The following LRRC8C variants were observed in gnomAD, a reference collection of about 807,000 sequenced individuals.
LRRC8C encodes the protein leucine rich repeat containing 8 VRAC subunit C.
A neutral mutation model predicts 55.3 loss-of-function variants in LRRC8C; 20 were observed. That is an observed-to-expected ratio of 0.36 (90% CI 0.25 to 0.53). LRRC8C has a LOEUF of 0.53. LRRC8C is among the 20% of genes least tolerant of loss of function. LRRC8C has a pLI of 0.92. For synonymous variants in LRRC8C, 376 were observed against 360.7 expected (o/e 1.04, Z -0.48); for missense variants, 659 against 951.4 (o/e 0.69, Z 4.04).
chr1:89,678,842 A>T lies in LRRC8C; in HGVS notation c.-4-7628A>T, dbSNP rs1025500526. Among the ~76,000 whole-genome samples, 2 of 152,150 alleles carry T rather than the reference A, an allele frequency of 1.3e-5. 1 individual carries two copies. Among genetic ancestry groups the T allele is most frequent in the South Asian group, 4.1e-4 (2 of 4,828 alleles). On this transcript the variant is annotated intron_variant, in intron 1 of 2. Transcript: ENST00000370454. ...GGAAAGATAGACTTGCTATTTACTG[A>T]ATAGGAAAGCTGTAAGTGGAGAAGG...
intron 2 of LRRC8C, among the ~76,000 whole-genome samples, chr1:89,690,746 A>G (rs1658005579): frequency 6.6e-6 from 1 of 152,162 alleles, no homozygotes; most frequent in South Asian, 2.1e-4. Flanking sequence ...TTCCTGCAGC[A>G]CAGCCCCACA....
intron 1 of LRRC8C, among the ~76,000 whole-genome samples, chr1:89,681,219 G>A (rs1657700327): frequency 6.6e-6 from 1 of 152,186 alleles, no homozygotes; most frequent in African/African-American, 2.4e-5. Flanking sequence ...AGCAATGAAA[G>A]AGCAATTGAT....
chr1:89,664,826 T>C (rs972384502), intron 1 of LRRC8C, among the ~76,000 whole-genome samples: 6 of 152,196 alleles, frequency 3.9e-5, no homozygotes, highest in Non-Finnish European at 8.8e-5. Flanking sequence ...CCTTGAGCAG[T>C]GGTTTGTAGT....
chr1:89,624,932 T>C, the LRRC8C span: 4 of 152,330 alleles, frequency 2.6e-5, no homozygotes, highest in East Asian at 7.7e-4. Flanking sequence ...AAGGAAGATA[T>C]ACTACTTTCC....
At chr1:89,640,333 G>T (rs1656419570) in intron 1 of LRRC8C, among the ~76,000 whole-genome samples, 1 of 152,186 alleles carries the variant, frequency 6.6e-6, no homozygotes, top group South Asian at 2.1e-4. Context: ...AAAGTGCTGG[G>T]ATTACAGGCA....
intron 1 of LRRC8C, among the ~76,000 whole-genome samples, chr1:89,633,839 C>G (rs1656204932): frequency 6.6e-6 from 1 of 152,194 alleles, no homozygotes; most frequent in Non-Finnish European, 1.5e-5. Context: ...GTGTGCTCAC[C>G]TGCAGGACAG....
intron 1 of LRRC8C, among the ~76,000 whole-genome samples, chr1:89,666,481 C>G (rs1275021551): frequency 2.6e-5 from 4 of 152,136 alleles, no homozygotes; most frequent in Non-Finnish European, 5.9e-5. Context: ...TCCCACTCCT[C>G]TCCTTTGTTC....
chr1:89,634,040 C>G (rs901111245), intron 1 of LRRC8C, among the ~76,000 whole-genome samples: 1 of 152,184 alleles, frequency 6.6e-6, no homozygotes, highest in Admixed American at 6.5e-5. Context: ...TCTGTGGACA[C>G]GAATGCCTTT....
rs1658765722 is a variant in LRRC8C at position 89,714,808 on chromosome 1, G to A, written c.2238G>A (p.Pro746=). ...IGKNSLSVLS[P]KIGNLLFLSY... ...AAAACAGCCTATCTGTACTTTCACC[G>A]AAAATTGGAAATTTGCTATTTCTTT... The change falls in exon 3 of 3, where the codon CCG becomes CCA. Residue 746 remains proline, a synonymous_variant. Coordinates refer to ENST00000370454, the MANE Select transcript of LRRC8C (RefSeq NM_032270.5). The surrounding 1 kb of genome is among the most constrained non-coding windows in gnomAD (Gnocchi z 4.6). The A allele has an allele frequency of 1.2e-6, 2 of 1,613,986 alleles. No individual in the cohort carries two copies. Among genetic ancestry groups the A allele is most frequent in the Non-Finnish European group, 1.7e-6 (2 of 1,179,988 alleles).
chr1:89,705,889 G>A (rs968574049), intron 2 of LRRC8C, among the ~76,000 whole-genome samples: 18 of 152,076 alleles, frequency 1.2e-4, no homozygotes, highest in African/African-American at 4.1e-4. Context: ...TGAGAAAACT[G>A]TAAAACACTC....
At chr1:89,621,663 A>G in the LRRC8C span, among the ~76,000 whole-genome samples, 3 of 152,304 alleles carry the variant, frequency 2.0e-5, 1 homozygote, top group South Asian at 6.2e-4. Flanking sequence ...GCTGGCAGTA[A>G]TAGTCTTTAT....
Position 89,714,921 on chromosome 1 carries a change from T to G in LRRC8C, c.2351T>G (p.Val784Gly), listed in dbSNP as rs777676635. 6 of 1,611,392 alleles carry G rather than the reference T, an allele frequency of 3.7e-6. No individual in the cohort carries two copies. Among genetic ancestry groups the G allele is most frequent in the Non-Finnish European group, 4.2e-6 (5 of 1,179,334 alleles). The change falls in exon 3 of 3, where the codon GTA (valine) becomes GGA (glycine). Residue 784 changes from valine (V) to glycine (G), a missense_variant. Val to Gly is a moderately radical substitution (Grantham distance 109, BLOSUM62 -3). Transcript: ENST00000370454. The surrounding 1 kb of genome is among the most constrained non-coding windows in gnomAD (Gnocchi z 4.6). ...GCTCTGAAGCGAGCTGGTTTAGTTG[T>G]AGAAGATGCTCTGTTTGAAACTCTG... ...CRALKRAGLVVEDALFETLPS... is the reference protein window; with the variant it reads ...CRALKRAGLVGEDALFETLPS...
chr1:89,672,561 C>T (rs982475621), intron 1 of LRRC8C, among the ~76,000 whole-genome samples: 3 of 152,134 alleles, frequency 2.0e-5, no homozygotes, highest in Admixed American at 6.5e-5. Flanking sequence ...CCTTTGGAAA[C>T]GTTGTACTCC....
In LRRC8C at chr1:89,712,742, A is replaced by G; in HGVS notation, c.172A>G (p.Arg58Gly). 6.2e-7 allele frequency: 1 copy of G among 1,614,110 alleles called. No individual in the cohort carries two copies. The highest frequency in any genetic ancestry group is 8.5e-7 in the Non-Finnish European group (1 of 1,179,992). The change falls in exon 3 of 3, where the codon AGA (arginine) becomes GGA (glycine). Residue 58 changes from arginine to glycine, a missense_variant. Around this residue, in one of 5 missense-constraint regions of LRRC8C, gnomAD observed 82 missense variants for 71.4 expected, o/e 1.15. Coordinates refer to ENST00000370454, the MANE Select transcript of LRRC8C (RefSeq NM_032270.5). ...AGACAAGATAATCTGCCTTCCGAAA[A>G]GAGTGCAGCCTGCTCAGAACCACTC... ...MQDKIICLPK[R>G]VQPAQNHSSL...
At chr1:89,673,595 A>T (rs1351740912) in intron 1 of LRRC8C, among the ~76,000 whole-genome samples, 8 of 152,194 alleles carry the variant, frequency 5.3e-5, no homozygotes, top group Admixed American at 5.2e-4. Context: ...ATAGGATGCA[A>T]ATTAATAAAT....
intron 2 of LRRC8C, among the ~76,000 whole-genome samples, chr1:89,709,942 G>A (rs1252846110): frequency 1.3e-5 from 2 of 151,998 alleles, no homozygotes; most frequent in African/African-American, 4.8e-5. Flanking sequence ...CAGTAGAGAC[G>A]GGGTTTCACC....
chr1:89,663,511 A>G lies in LRRC8C; in HGVS notation c.-4-22959A>G, dbSNP rs567703510. Among the ~76,000 whole-genome samples the G allele has an allele frequency of 4.1e-3, 619 of 151,318 alleles. 4 individuals carry two copies. The highest frequency in any genetic ancestry group is 6.7e-3 in the Non-Finnish European group (454 of 67,910). On this transcript the variant is annotated intron_variant, in intron 1 of 2. Transcript: ENST00000370454. Reference sequence around the variant, plus strand: ...TGTGAACCCGGGAGGCAGAGCTTGCAGTGAGCCGAGATTGCGCCACTGCAC... The same window carrying G: ...TGTGAACCCGGGAGGCAGAGCTTGCGGTGAGCCGAGATTGCGCCACTGCAC...
intron 1 of LRRC8C, among the ~76,000 whole-genome samples, chr1:89,681,871 T>C (rs1570720480): frequency 6.6e-6 from 1 of 152,312 alleles, no homozygotes; most frequent in East Asian, 1.9e-4. Flanking sequence ...TAGACATACA[T>C]GCACATACGC....
At chr1:89,705,429 T>G (rs1482841929) in intron 2 of LRRC8C, among the ~76,000 whole-genome samples, 1 of 150,992 alleles carries the variant, frequency 6.6e-6, no homozygotes, top group Non-Finnish European at 1.5e-5. Flanking sequence ...ATAATAATAA[T>G]AATAAAGAAA....
Sources: allele counts gnomAD v4.1 joint callset (sites outside exome capture counted in the v4.1 genomes callset), GRCh38; gene constraint gnomAD v4.1.1; regional missense constraint gnomAD v4.1.1; non-coding constraint Gnocchi (gnomAD v3.1); transcripts MANE v1.5; gene names NCBI Gene and HGNC (gene_info 2026-07-23, HGNC 2026-07-21).